Variants in IFT172 observed in about 807,000 individuals in gnomAD.
IFT172 encodes the protein intraflagellar transport protein 172 homolog.
Under a neutral mutation model 248.9 loss-of-function variants are expected in IFT172, and 164 were observed. The ratio of observed to expected loss-of-function variants is 0.66; its 90% CI spans 0.58 to 0.75. The LOEUF is 0.75. IFT172 is among the 30% of genes least tolerant of loss of function. IFT172 has a pLI of 0.00. For synonymous variants in IFT172, 729 were observed against 791.6 expected (o/e 0.92, Z 1.33); for missense variants, 1,950 against 2,192.4 (o/e 0.89, Z 2.21).
In IFT172 at chr2:27,481,026, A is replaced by G. The variant is rs755491047; in HGVS notation, c.785+20T>C. 1 of 1,598,024 alleles carries G rather than the reference A, an allele frequency of 6.3e-7. No individual in the cohort carries two copies. Among genetic ancestry groups the G allele is most frequent in the South Asian group, 1.1e-5 (1 of 90,724 alleles). On this transcript the variant is annotated intron_variant, in intron 8 of 47. Coordinates refer to ENST00000260570, the MANE Select transcript of IFT172 (RefSeq NM_015662.3). The stretch of plus-strand genomic sequence containing the variant: ...TCGCAGGGAAAGTAGGCAGTAGATA[A>G]AACTGGAAAGGGGACTTACCTGTCA...
In IFT172 at chr2:27,472,289, C is replaced by T. The variant is rs572945840; in HGVS notation, c.1485G>A (p.Glu495=). Residue 495 remains glutamate, a synonymous_variant, in exon 15 of 48, where the codon GAG becomes GAA. Transcript: ENST00000260570. The part of the protein sequence containing the change: ...ESRVDWLELN[E]TGHKLLFRDR... ...CCCTGAAGAGGAGCTTGTGTCCAGT[C>T]TCATTAAGTTCCAGCCAATCCACAC... is the stretch of plus-strand genomic sequence containing the variant. The T allele has an allele frequency of 6.2e-6, 10 of 1,614,096 alleles. No homozygotes were observed. The South Asian group carries it at 7.7e-5, about 12-fold the overall frequency.
rs764545243 is a variant in IFT172, at chr2:27,447,483, A to C, written c.4659+32T>G. On this transcript the variant is annotated intron_variant, in intron 42 of 47. Coordinates refer to ENST00000260570, the MANE Select transcript of IFT172 (RefSeq NM_015662.3). ...ATACATTTGCAGATGAGCCCTTCTG[A>C]CTGAGTGTTCCTTCGACCCCCTACA... 7 of 1,608,574 alleles carry C rather than the reference A, an allele frequency of 4.4e-6. No homozygotes were observed. The South Asian group carries it at 7.7e-5, about 18-fold the overall frequency.
intron 40 of IFT172, among the ~76,000 whole-genome samples, 163 bp from the exon 41 acceptor site, chr2:27,448,085 TTTTA>T (rs1240722616): frequency 7.9e-5 from 12 of 151,992 alleles, no homozygotes; most frequent in African/African-American, 2.7e-4. Flanking sequence ...TTTTATTTAT[TTTTA>T]TTTTTTTAAT....
chr2:27,488,117 G>A (rs748382655), intron 1 of IFT172, among the ~76,000 whole-genome samples: 31 of 151,688 alleles, frequency 2.0e-4, no homozygotes, highest in Non-Finnish European at 3.8e-4. Context: ...CCAGCAGCTG[G>A]GCCTACAGGT....
chr2:27,471,389 G>A, intron 15 of IFT172: 1 of 277,614 alleles, frequency 3.6e-6, no homozygotes, highest in Non-Finnish European at 6.7e-6. Context: ...ATTACAAATG[G>A]CAGGCCACTA....
intron 14 of IFT172, among the ~76,000 whole-genome samples, chr2:27,473,635 A>G (rs1200013903): frequency 2.6e-5 from 4 of 151,630 alleles, no homozygotes; most frequent in African/African-American, 9.7e-5. Context: ...TAATGCCCCA[A>G]TTATAAGTAG....
chr2:27,469,773 A>G (rs1022947416), intron 16 of IFT172, among the ~76,000 whole-genome samples: 1 of 152,190 alleles, frequency 6.6e-6, no homozygotes, highest in Non-Finnish European at 1.5e-5. Context: ...CAGAGGTTGC[A>G]GTGAGCCGAG....
At chr2:27,479,883 C>G (rs1558408983) in intron 9 of IFT172, 143 bp downstream of exon 9, 2 of 1,190,660 alleles carry the variant, frequency 1.7e-6, no homozygotes, top group South Asian at 3.4e-5. Flanking sequence ...CTCTTTCCTG[C>G]CTTTAATGCC....
At chr2:27,472,986 T>C (rs1667684876) in intron 14 of IFT172, among the ~76,000 whole-genome samples, 1 of 152,186 alleles carries the variant, frequency 6.6e-6, no homozygotes, top group South Asian at 2.1e-4. Context: ...GGCCCCACTT[T>C]GTTATATATG....
intron 40 of IFT172, 69 bp from the exon 41 acceptor site, chr2:27,447,991 C>T: frequency 1.0e-6 from 1 of 957,946 alleles, no homozygotes; most frequent in Non-Finnish European, 1.7e-6. Flanking sequence ...GGAAGTGGGG[C>T]CAAAGGGAGG....
In IFT172 at chr2:27,445,479, T is replaced by G. The variant is rs1220490484; in HGVS notation, c.4915-30A>C. 2 of 1,600,466 alleles carry G rather than the reference T, an allele frequency of 1.2e-6. No homozygotes were observed. Among genetic ancestry groups the G allele is most frequent in the South Asian group, 2.2e-5 (2 of 89,128 alleles). On this transcript the variant is annotated intron_variant, in intron 45 of 47. Transcript: ENST00000260570. This position sits in a 1 kb window ranked among gnomAD's most constrained non-coding sequence, Gnocchi z 4.4. Reference sequence around the variant, plus strand: ...AAAGGACAAGAAGGGAGTGGTAGCTTCACACAGGGCAGGGCAGGACAAGTT... The same window carrying G: ...AAAGGACAAGAAGGGAGTGGTAGCTGCACACAGGGCAGGGCAGGACAAGTT...
Position 27,457,686 on chromosome 2 carries a change from T to C in IFT172, c.3181A>G (p.Thr1061Ala), listed in dbSNP as rs550525758. ...HYLEAQEWKATVNMYRASGLW... is the reference protein window; with the variant it reads ...HYLEAQEWKAAVNMYRASGLW... ...CCACTGGCCCGGTACATGTTCACTG[T>C]TGCCTTCCATTCCTGGGCCTCGAGG... Residue 1061 changes from threonine to alanine, a missense_variant, in exon 29 of 48, where the codon ACA becomes GCA. Transcript: ENST00000260570. 5.6e-6 allele frequency: 9 copies of C among 1,614,238 alleles called. No individual in the cohort carries two copies. The highest frequency in any genetic ancestry group is 4.0e-5 in the African/African-American group (3 of 75,064).
At chr2:27,456,220 A>G (rs1189799436) in intron 30 of IFT172, among the ~76,000 whole-genome samples, 2 of 152,076 alleles carry the variant, frequency 1.3e-5, no homozygotes, top group African/African-American at 2.4e-5. Flanking sequence ...AAAAAAAAAA[A>G]CAGTTCACTC....
chr2:27,483,805 C>T, intron 5 of IFT172, 67 bp downstream of exon 5: 1 of 1,465,096 alleles, frequency 6.8e-7, no homozygotes. Flanking sequence ...GAGGATGAAC[C>T]ATATTCCTCT....
At position 27,462,682 on chromosome 2, in the gene IFT172, G is replaced by C. The variant is rs760810186; in HGVS notation, c.2115+19C>G. On this transcript the variant is annotated intron_variant, in intron 20 of 47. Transcript: ENST00000260570. ...TCCCTCATATCCCCTCTTCCATCCT[G>C]TCCCTCTTTTCCTATTACCTGTTCC... 1 of 1,601,638 alleles carries C rather than the reference G, an allele frequency of 6.2e-7. No individual in the cohort carries two copies. Among genetic ancestry groups the C allele is most frequent in the East Asian group, 2.2e-5 (1 of 44,792 alleles).
intron 14 of IFT172, among the ~76,000 whole-genome samples, chr2:27,474,522 C>G (rs1667822183): frequency 6.6e-6 from 1 of 152,134 alleles, no homozygotes; most frequent in Non-Finnish European, 1.5e-5. Context: ...TTAAATTAGA[C>G]TTAAAGCATC....
chr2:27,485,034 T>C lies in IFT172; in HGVS notation c.280A>G (p.Lys94Glu), dbSNP rs1668655061. Residue 94 changes from lysine to glutamate, a missense_variant, in exon 3 of 48, where the codon AAG becomes GAG. Lys to Glu is a moderately conservative substitution (Grantham distance 56, BLOSUM62 1). Transcript: ENST00000260570. ...TATCCTCACCAATCTTCTCCAATCTTGTAGACATAGATGATGTTGTCAGTC... is the reference window on the plus strand; with the variant it reads ...TATCCTCACCAATCTTCTCCAATCTCGTAGACATAGATGATGTTGTCAGTC... ...GQTDNIIYVY[K>E]IGEDWGDKKV... 6.3e-7 allele frequency: 1 copy of C among 1,579,346 alleles called. No homozygotes were observed. Among genetic ancestry groups the C allele is most frequent in the East Asian group, 2.2e-5 (1 of 44,724 alleles).
intron 16 of IFT172, among the ~76,000 whole-genome samples, chr2:27,469,162 C>T (rs150921739): frequency 6.7e-5 from 10 of 150,190 alleles, no homozygotes; most frequent in South Asian, 4.2e-4. Flanking sequence ...GGGAGCCTGA[C>T]GGAGGCGGAT....
At chr2:27,451,226 C>T (rs962344833) in intron 35 of IFT172, among the ~76,000 whole-genome samples, 1 of 152,188 alleles carries the variant, frequency 6.6e-6, no homozygotes, top group Admixed American at 6.5e-5. Context: ...TCTGGTCTTT[C>T]CCTCACCTGT....
Sources: gnomAD v4.1 joint callset for allele counts (sites outside exome capture counted in the v4.1 genomes callset) on GRCh38, gnomAD v4.1.1 for gene constraint, Gnocchi (gnomAD v3.1) non-coding constraint, MANE v1.5 for transcripts, NCBI Gene and HGNC (gene_info 2026-07-23, HGNC 2026-07-21) for gene names.